CDH13: variants seen among roughly 807,000 people sequenced by gnomAD.
CDH13 encodes cadherin 13, also known as cadherin-13.
Under a neutral mutation model 63.8 loss-of-function variants are expected in CDH13, and 24 were observed. The observed-to-expected ratio is 0.38, with a 90% CI of 0.27 to 0.53. CDH13 has a LOEUF of 0.53. Ranked by LOEUF, CDH13 falls within the 20% of genes least tolerant of loss-of-function variation. The probability of loss-of-function intolerance (pLI) is 0.85; values close to 1 mark genes in which losing one functional copy is unlikely to be tolerated. For missense variants in CDH13, 1,049 were observed against 903.1 expected (o/e 1.16, Z -2.07); for synonymous variants, 503 against 355.3 (o/e 1.42, Z -4.67).
At chr16:83,570,719 AATT>A (rs1421158970) in intron 7 of CDH13, among the ~76,000 whole-genome samples, 2 of 145,022 alleles carry the variant, frequency 1.4e-5, no homozygotes, top group Middle Eastern at 3.3e-3. Context: ...TATTTATATA[AATT>A]ATTATATATT....
chr16:83,279,499 T>A (rs771059087), intron 5 of CDH13, among the ~76,000 whole-genome samples: 3 of 152,164 alleles, frequency 2.0e-5, no homozygotes, highest in Admixed American at 6.5e-5. Context: ...GCTGCACATA[T>A]CTGCCGCATT....
rs1917927412 is a variant in CDH13, at chr16:83,047,691, T to C, written c.366+15473T>C. ...AGCACTTACAATATCTGGCTGTGAA[T>C]AAATAATTTCTTAATGACTTAGCAA... is the stretch of plus-strand genomic sequence containing the variant. On this transcript the variant is annotated intron_variant, in intron 3 of 13. Coordinates refer to ENST00000567109, the MANE Select transcript of CDH13 (RefSeq NM_001257.5). The surrounding 1 kb of genome is among the most constrained non-coding windows in gnomAD (Gnocchi z 4.9). Among the ~76,000 whole-genome samples, 1 of 152,226 alleles carries C rather than the reference T, an allele frequency of 6.6e-6. No individual in the cohort carries two copies. Among genetic ancestry groups the C allele is most frequent in the South Asian group, 2.1e-4 (1 of 4,836 alleles).
At chr16:83,211,780 G>A (rs2151779577) in intron 4 of CDH13, among the ~76,000 whole-genome samples, 1 of 152,062 alleles carries the variant, frequency 6.6e-6, no homozygotes, top group African/African-American at 2.4e-5. Flanking sequence ...CAGCCAGCCA[G>A]GAAGTCTCTT....
At chr16:82,708,047 G>A (rs115151677) in intron 1 of CDH13, among the ~76,000 whole-genome samples, 2 of 152,188 alleles carry the variant, frequency 1.3e-5, no homozygotes, top group South Asian at 2.1e-4. Context: ...TTGCTCAGAC[G>A]TCACCTTGGG....
chr16:83,064,340 G>A (rs1381646897), intron 3 of CDH13, among the ~76,000 whole-genome samples: 1 of 144,542 alleles, frequency 6.9e-6, no homozygotes, highest in Non-Finnish European at 1.5e-5. Flanking sequence ...TTGCACTCCA[G>A]CCTGGGTGAC....
At chr16:82,695,739 G>A (rs2030205244) in intron 1 of CDH13, among the ~76,000 whole-genome samples, 1 of 152,214 alleles carries the variant, frequency 6.6e-6, no homozygotes, top group Admixed American at 6.5e-5. Flanking sequence ...TGTTAGAACA[G>A]CAGGAGATTT....
intron 5 of CDH13, among the ~76,000 whole-genome samples, chr16:83,240,491 A>G (rs1376779116): frequency 1.3e-5 from 2 of 152,020 alleles, no homozygotes; most frequent in Non-Finnish European, 2.9e-5. Context: ...GAGAACTTGG[A>G]TTAGAGAGTG....
At chr16:83,402,265 A>G (rs1162741519) in intron 6 of CDH13, among the ~76,000 whole-genome samples, 5 of 152,148 alleles carry the variant, frequency 3.3e-5, no homozygotes, top group Non-Finnish European at 5.9e-5. Context: ...TATTGACCAT[A>G]TAGTTTGCCA....
At chr16:82,990,522 C>T (rs1448566115) in intron 2 of CDH13, among the ~76,000 whole-genome samples, 1 of 149,874 alleles carries the variant, frequency 6.7e-6, no homozygotes, top group Non-Finnish European at 1.5e-5. Flanking sequence ...TCTTCCTTGT[C>T]GTTTGTGTGG....
At chr16:82,956,082 C>T (rs1906049254) in intron 2 of CDH13, among the ~76,000 whole-genome samples, 1 of 152,140 alleles carries the variant, frequency 6.6e-6, no homozygotes. Flanking sequence ...CCTCTAACCT[C>T]AACCCAGCCC....
intron 1 of CDH13, among the ~76,000 whole-genome samples, chr16:82,681,423 G>A (rs549242689): frequency 6.0e-4 from 91 of 152,342 alleles, no homozygotes; most frequent in African/African-American, 2.1e-3. Flanking sequence ...AAGCTAGATA[G>A]TGGTGATGGT....
At chr16:82,782,774 C>G (rs373473151) in intron 1 of CDH13, among the ~76,000 whole-genome samples, 4 of 152,278 alleles carry the variant, frequency 2.6e-5, no homozygotes, top group South Asian at 4.1e-4. Flanking sequence ...CTGCCTTACT[C>G]CCGCTGCTGG....
intron 3 of CDH13, among the ~76,000 whole-genome samples, chr16:83,035,804 CAT>C (rs1344560296): frequency 6.6e-6 from 1 of 152,174 alleles, no homozygotes; most frequent in Non-Finnish European, 1.5e-5. Flanking sequence ...TCGTCTGTAA[CAT>C]AGGGATAATA....
At chr16:83,764,596 T>C (rs1469317474) in intron 11 of CDH13, among the ~76,000 whole-genome samples, 1 of 152,116 alleles carries the variant, frequency 6.6e-6, no homozygotes, top group Admixed American at 6.5e-5. Context: ...GACCCCTTCC[T>C]CTGTGAGGCT....
chr16:83,053,281 C>G (rs1441862909), intron 3 of CDH13, among the ~76,000 whole-genome samples: 1 of 152,100 alleles, frequency 6.6e-6, no homozygotes, highest in Non-Finnish European at 1.5e-5. Flanking sequence ...AAAAAGGTAT[C>G]ATAACCTTAA....
intron 13 of CDH13, among the ~76,000 whole-genome samples, chr16:83,788,026 G>A (rs539238953): frequency 6.6e-6 from 1 of 152,332 alleles, no homozygotes; most frequent in Admixed American, 6.5e-5. Context: ...TGATTGCAAA[G>A]AGATAAAAAT....
At chr16:83,157,896 G>T (rs1339804186) in intron 4 of CDH13, among the ~76,000 whole-genome samples, 1 of 151,956 alleles carries the variant, frequency 6.6e-6, no homozygotes, top group Non-Finnish European at 1.5e-5. Context: ...CTGGGTGACA[G>T]AGTGAGACTC....
intron 8 of CDH13, among the ~76,000 whole-genome samples, chr16:83,654,275 C>G (rs1223585320): frequency 6.6e-6 from 1 of 151,992 alleles, no homozygotes; most frequent in Admixed American, 6.5e-5. Flanking sequence ...TTGCACCAAC[C>G]TGATACATCT....
chr16:83,124,509 T>C (rs1315088117), intron 3 of CDH13, among the ~76,000 whole-genome samples: 1 of 151,878 alleles, frequency 6.6e-6, no homozygotes, highest in East Asian at 1.9e-4. Flanking sequence ...TTAAGTTTAA[T>C]TAAATTTGAA....
Sources: allele counts gnomAD v4.1 joint callset (sites outside exome capture counted in the v4.1 genomes callset), GRCh38; gene constraint gnomAD v4.1.1; non-coding constraint Gnocchi (gnomAD v3.1); transcripts MANE v1.5; gene names NCBI Gene and HGNC (gene_info 2026-07-23, HGNC 2026-07-21).